The following UST variants were observed in gnomAD, a reference collection of about 807,000 sequenced individuals.
The protein encoded by UST is uronyl 2-sulfotransferase.
UST carries 21 observed loss-of-function variants against 45.6 expected under a neutral mutation model. The observed-to-expected ratio is 0.46, with a 90% CI of 0.33 to 0.66. The LOEUF (loss-of-function observed/expected upper bound fraction) is 0.66. Ranked by LOEUF, UST falls within the 30% of genes least tolerant of loss-of-function variation. The pLI, the probability that UST is intolerant of heterozygous loss-of-function variation, is 0.02. For missense variants in UST, 463 were observed against 512.4 expected, an observed-to-expected ratio of 0.90 and a Z score of 0.93; for synonymous variants, 215 against 200.6, an observed-to-expected ratio of 1.07 and a Z score of -0.61.
At chr6:148,969,595 A>C (rs1780873099) in intron 5 of UST, among the ~76,000 whole-genome samples, 1 of 152,118 alleles carries the variant, frequency 6.6e-6, no homozygotes, top group Non-Finnish European at 1.5e-5. Context: ...AACTCTCCAA[A>C]ACACATTTCA....
chr6:148,752,338 T>C (rs1451594587), intron 1 of UST, among the ~76,000 whole-genome samples: 4 of 152,210 alleles, frequency 2.6e-5, no homozygotes, highest in Non-Finnish European at 5.9e-5. Flanking sequence ...CTCCAAACAG[T>C]AATCTAGGAA....
At chr6:148,823,171 A>G (rs1190204086) in intron 1 of UST, among the ~76,000 whole-genome samples, 4 of 152,348 alleles carry the variant, frequency 2.6e-5, no homozygotes, top group Admixed American at 1.3e-4. Flanking sequence ...TGAAGTGTTG[A>G]TTTTTGGAGT....
intron 1 of UST, among the ~76,000 whole-genome samples, chr6:148,785,939 T>C (rs911008432): frequency 1.5e-4 from 23 of 152,218 alleles, no homozygotes; most frequent in African/African-American, 5.5e-4. Context: ...TAGAATTTGT[T>C]TTTATGGGTA....
At chr6:148,819,334 G>T (rs188099180) in intron 1 of UST, among the ~76,000 whole-genome samples, 2 of 152,266 alleles carry the variant, frequency 1.3e-5, no homozygotes, top group Admixed American at 1.3e-4. Context: ...TCATTACTCA[G>T]TAGGACAAAA....
intron 2 of UST, among the ~76,000 whole-genome samples, chr6:148,931,922 A>G (rs1339631771): frequency 6.6e-6 from 1 of 152,220 alleles, no homozygotes; most frequent in Non-Finnish European, 1.5e-5. Flanking sequence ...GACAAGTCCC[A>G]CTTGGAAATA....
intron 2 of UST, among the ~76,000 whole-genome samples, chr6:148,926,830 G>C (rs56252829): frequency 0.024 from 3,669 of 152,216 alleles, 164 homozygotes; most frequent in African/African-American, 0.084. Context: ...CCTAGAATGA[G>C]GTCATGGTTC....
chr6:148,918,554 A>T (rs1779634524), intron 2 of UST, among the ~76,000 whole-genome samples: 1 of 152,204 alleles, frequency 6.6e-6, no homozygotes, highest in South Asian at 2.1e-4. Flanking sequence ...TTTCTTTATC[A>T]AACAAAATAC....
rs922084057 is a variant in UST at position 148,872,097 on chromosome 6, G to A, written c.248-14889G>A. ...TGTCGCGGGTGAAATGTACTGACTC[G>A]TAACAAAGCTTGAGAGAAAATCAGG... is the stretch of plus-strand genomic sequence containing the variant. On this transcript the variant is annotated intron_variant, in intron 1 of 7. Coordinates refer to ENST00000367463, the MANE Select transcript of UST (RefSeq NM_005715.3). Among the ~76,000 whole-genome samples the A allele has an allele frequency of 3.5e-4, 53 of 152,100 alleles. 1 individual carries two copies. Among genetic ancestry groups the A allele is most frequent in the South Asian group, 8.3e-4 (4 of 4,814 alleles).
chr6:149,042,310 G>T (rs1322324289), intron 7 of UST, among the ~76,000 whole-genome samples: 3 of 152,082 alleles, frequency 2.0e-5, no homozygotes, highest in Non-Finnish European at 4.4e-5. Flanking sequence ...TCTAAATTTG[G>T]TGCACTAAAA....
chr6:148,954,038 C>A, intron 4 of UST, 87 bp downstream of exon 4: 4 of 1,025,210 alleles, frequency 3.9e-6, no homozygotes, highest in Non-Finnish European at 5.6e-6. Flanking sequence ...CAAGGCAGTG[C>A]AATTGCCCTT....
At chr6:148,827,114 C>G (rs1777583853) in intron 1 of UST, among the ~76,000 whole-genome samples, 1 of 152,172 alleles carries the variant, frequency 6.6e-6, no homozygotes. Context: ...GCAGAAGATG[C>G]TTGTTGTTCT....
At position 149,040,548 on chromosome 6, in the gene UST, G is replaced by A. The variant is rs145649334; in HGVS notation, c.937+19067G>A. Among the ~76,000 whole-genome samples, 320 of 152,242 alleles carry A rather than the reference G, an allele frequency of 2.1e-3. 3 individuals are homozygous for A. Among genetic ancestry groups the A allele is most frequent in the East Asian group, 0.018 (94 of 5,178 alleles). On this transcript the variant is annotated intron_variant, in intron 7 of 7. Coordinates refer to ENST00000367463, the MANE Select transcript of UST (RefSeq NM_005715.3). The stretch of plus-strand genomic sequence containing the variant: ...TGCATGCCTGTAATCCCAGCTACTC[G>A]GGAGGCTGAGGCAGGATTATCACTT...
chr6:148,992,639 T>C (rs141117370), intron 5 of UST, among the ~76,000 whole-genome samples: 1,741 of 152,316 alleles, frequency 0.011, 20 homozygotes, highest in Middle Eastern at 0.031. Context: ...GTAGTTTTGC[T>C]GTCCAACTCT....
chr6:148,965,662 G>A (rs1225511781), intron 5 of UST, among the ~76,000 whole-genome samples: 3 of 152,058 alleles, frequency 2.0e-5, no homozygotes, highest in Non-Finnish European at 2.9e-5. Flanking sequence ...TCAGTGTCAC[G>A]TTCATGTTTT....
chr6:148,779,118 T>C (rs1307049046), intron 1 of UST, among the ~76,000 whole-genome samples: 2 of 151,900 alleles, frequency 1.3e-5, no homozygotes, highest in Non-Finnish European at 2.9e-5. Flanking sequence ...GCACATTTTT[T>C]TTTTTTTTTC....
chr6:148,854,669 A>G (rs771862543), intron 1 of UST, among the ~76,000 whole-genome samples: 16 of 152,088 alleles, frequency 1.1e-4, no homozygotes, highest in Non-Finnish European at 2.2e-4. Context: ...GGAAGGAGCA[A>G]GGATAGCTGG....
rs115132852 is a variant in UST at position 149,033,273 on chromosome 6, T to A, written c.937+11792T>A. ...TTAGCTCTCTGACATTCTTTGCTTA[T>A]AAAATGTACCCCCTGCCGGGGCGAA... On this transcript the variant is annotated intron_variant, in intron 7 of 7. Coordinates refer to ENST00000367463, the MANE Select transcript of UST (RefSeq NM_005715.3). Among the ~76,000 whole-genome samples the A allele has an allele frequency of 5.3e-3, 808 of 152,334 alleles. 6 individuals are homozygous for A. Among genetic ancestry groups the A allele is most frequent in the African/African-American group, 0.019 (786 of 41,562 alleles).
chr6:148,838,733 T>C (rs1034522673), intron 1 of UST, among the ~76,000 whole-genome samples: 1 of 152,048 alleles, frequency 6.6e-6, no homozygotes, highest in Non-Finnish European at 1.5e-5. Flanking sequence ...CTGTCACCCC[T>C]GTCTCTACAG....
chr6:149,041,321 T>C (rs2115031167), intron 7 of UST, among the ~76,000 whole-genome samples: 1 of 152,342 alleles, frequency 6.6e-6, no homozygotes, highest in Non-Finnish European at 1.5e-5. Context: ...ACACCTCCTC[T>C]TGGACCTCCA....
Sources: allele counts gnomAD v4.1 joint callset (sites outside exome capture counted in the v4.1 genomes callset), GRCh38; gene constraint gnomAD v4.1.1; transcripts MANE v1.5; gene names NCBI Gene and HGNC (gene_info 2026-07-23, HGNC 2026-07-21).